The following APBA1 variants were observed in gnomAD, a reference collection of about 807,000 sequenced individuals.
APBA1 encodes amyloid-beta A4 precursor protein-binding family A member 1.
Under a neutral mutation model 86.6 loss-of-function variants are expected in APBA1, and 55 were observed. The observed-to-expected ratio is 0.64, with a 90% CI of 0.51 to 0.80. The LOEUF (loss-of-function observed/expected upper bound fraction) is 0.80, where lower values mean the gene tolerates loss of function less well. APBA1 is among the 30% of genes least tolerant of loss of function. The pLI, the probability that APBA1 is intolerant of heterozygous loss-of-function variation, is 0.00. For missense variants in APBA1, 1,090 were observed against 1,183.0 expected (o/e 0.92, Z 1.15); for synonymous variants, 511 against 493.9 (o/e 1.03, Z -0.46).
At chr9:69,595,499 T>G (rs1383021776) in intron 1 of APBA1, among the ~76,000 whole-genome samples, 1 of 152,232 alleles carries the variant, frequency 6.6e-6, no homozygotes, top group Non-Finnish European at 1.5e-5. Flanking sequence ...CTAGCGGATC[T>G]CTAACTCATA....
chr9:69,451,399 T>A (rs1157682729), intron 9 of APBA1, among the ~76,000 whole-genome samples: 1 of 152,220 alleles, frequency 6.6e-6, no homozygotes, highest in Admixed American at 6.5e-5. Context: ...CATTAAAAGT[T>A]CTTTTTACCT....
At chr9:69,582,399 T>G (rs1332599878) in intron 1 of APBA1, among the ~76,000 whole-genome samples, 1 of 152,138 alleles carries the variant, frequency 6.6e-6, no homozygotes, top group Non-Finnish European at 1.5e-5. Flanking sequence ...CCCTGGACAA[T>G]TAGATAATGA....
At chr9:69,452,513 T>A (rs1835028510) in intron 8 of APBA1, among the ~76,000 whole-genome samples, 1 of 152,176 alleles carries the variant, frequency 6.6e-6, no homozygotes, top group Admixed American at 6.5e-5. Context: ...ATGACAATGA[T>A]CATAAGGGAG....
At chr9:69,525,418 G>A (rs1042146677) in intron 1 of APBA1, among the ~76,000 whole-genome samples, 2 of 151,938 alleles carry the variant, frequency 1.3e-5, no homozygotes, top group African/African-American at 4.8e-5. Context: ...AAAATCAGTA[G>A]CACATCTATG....
At chr9:69,505,999 A>G (rs914090976) in intron 2 of APBA1, among the ~76,000 whole-genome samples, 3 of 151,806 alleles carry the variant, frequency 2.0e-5, no homozygotes, top group Non-Finnish European at 4.4e-5. Context: ...AGCCTGGGCA[A>G]CAGAGCAAGA....
In APBA1 at chr9:69,521,188, T is replaced by C. The variant is rs144595822; in HGVS notation, c.-69-3909A>G. Among the ~76,000 whole-genome samples the C allele has an allele frequency of 1.1e-4, 16 of 152,282 alleles. No individual in the cohort carries two copies. In the East Asian group the frequency reaches 3.1e-3, roughly 29 times the overall value. ...TCTGGTAAGGGAGGCCCCCTGACAT[T>C]TGATCTTTGCACTCTAGCTCTGGGG... On this transcript the variant is annotated intron_variant, in intron 1 of 12. Coordinates refer to ENST00000265381, the MANE Select transcript of APBA1 (RefSeq NM_001163.4).
At chr9:69,534,093 A>G (rs1159718774) in intron 1 of APBA1, among the ~76,000 whole-genome samples, 1 of 152,240 alleles carries the variant, frequency 6.6e-6, no homozygotes, top group Non-Finnish European at 1.5e-5. Context: ...AAATATGCAA[A>G]CAACACAAAG....
intron 1 of APBA1, among the ~76,000 whole-genome samples, chr9:69,573,046 G>C (rs1307855296): frequency 6.6e-6 from 1 of 152,170 alleles, no homozygotes; most frequent in Admixed American, 6.5e-5. Context: ...TGTACTCCCA[G>C]CTGCTCAGGA....
At chr9:69,558,116 T>C (rs1363123766) in intron 1 of APBA1, among the ~76,000 whole-genome samples, 1 of 152,196 alleles carries the variant, frequency 6.6e-6, no homozygotes, top group Admixed American at 6.5e-5. Context: ...TCTGATGAAT[T>C]ATTCCTTAAA....
chr9:69,431,252 A>C lies in APBA1; in HGVS notation c.*75T>G. On this transcript the variant is annotated 3_prime_UTR_variant, in exon 13 of 13. Transcript: ENST00000265381. ...GCGCGAGAGGGGAAAGTCTCAGTGG[A>C]CACAGGGATGCAGCACGAGAAACAC... 8.2e-7 allele frequency: 1 copy of C among 1,214,506 alleles called. No homozygotes were observed. Among genetic ancestry groups the C allele is most frequent in the Non-Finnish European group, 1.1e-6 (1 of 873,918 alleles). 75.2% of individuals were successfully genotyped at this position (1,214,506 alleles called of 1,614,324 possible).
intron 1 of APBA1, among the ~76,000 whole-genome samples, chr9:69,651,124 A>G (rs2134015953): frequency 6.6e-6 from 1 of 152,388 alleles, no homozygotes; most frequent in Non-Finnish European, 1.5e-5. Context: ...ACATGTATGT[A>G]TCTTACAGAT....
At chr9:69,495,002 T>C (rs1265868633) in intron 2 of APBA1, among the ~76,000 whole-genome samples, 1 of 152,116 alleles carries the variant, frequency 6.6e-6, no homozygotes, top group East Asian at 1.9e-4. Flanking sequence ...GAATTGGAGG[T>C]ACACTGCCCA....
intron 2 of APBA1, among the ~76,000 whole-genome samples, chr9:69,490,658 T>C (rs1306782130): frequency 5.3e-5 from 8 of 151,664 alleles, no homozygotes. Flanking sequence ...ACCATCAGAG[T>C]GAACAGGCAA....
chr9:69,657,349 G>C (rs1823633356), intron 1 of APBA1, among the ~76,000 whole-genome samples: 2 of 152,296 alleles, frequency 1.3e-5, no homozygotes, highest in South Asian at 2.1e-4. Flanking sequence ...AACAAATAGT[G>C]TTTTCTGAGC....
At chr9:69,548,695 T>G (rs1405706628) in intron 1 of APBA1, among the ~76,000 whole-genome samples, 1 of 152,244 alleles carries the variant, frequency 6.6e-6, no homozygotes, top group Non-Finnish European at 1.5e-5. Flanking sequence ...AACATGGTTA[T>G]GTGCTGTTGG....
intron 1 of APBA1, among the ~76,000 whole-genome samples, chr9:69,546,320 G>A (rs1047404390): frequency 4.6e-5 from 7 of 152,198 alleles, no homozygotes; most frequent in African/African-American, 1.7e-4. Flanking sequence ...TTCAGTGCTG[G>A]GGAAATAACT....
Position 69,431,222 on chromosome 9 carries a change from G to T in APBA1, c.*105C>A. ...CTTCTCTTCCTGTGTAAAACCAAAT[G>T]CTGGGCGCGAGAGGGGAAAGTCTCA... On this transcript the variant is annotated 3_prime_UTR_variant, in exon 13 of 13. Transcript: ENST00000265381. 2 of 802,680 alleles carry T rather than the reference G, an allele frequency of 2.5e-6. No homozygotes were observed. The highest frequency in any genetic ancestry group is 3.8e-6 in the Non-Finnish European group (2 of 522,224). 49.7% of individuals were successfully genotyped at this position (802,680 alleles called of 1,614,324 possible). A position where few individuals can be genotyped will look rare whatever the true frequency, so the allele number is the denominator to read the frequency against.
Position 69,536,704 on chromosome 9 carries a change from TA to T in APBA1, c.-69-19426del, listed in dbSNP as rs71356116. Among the ~76,000 whole-genome samples, 552 of 55,954 alleles carry T rather than the reference TA, an allele frequency of 9.9e-3. 1 individual carries two copies. The highest frequency in any genetic ancestry group is 0.016 in the African/African-American group (235 of 14,396). 36.7% of individuals were successfully genotyped at this position (55,954 alleles called of 152,430 possible). A position where few individuals can be genotyped will look rare whatever the true frequency, so the allele number is the denominator to read the frequency against. On this transcript the variant is annotated intron_variant, in intron 1 of 12. Coordinates refer to ENST00000265381, the MANE Select transcript of APBA1 (RefSeq NM_001163.4). ...CAACATGAAGAAACCCCATCTCTAC[TA>T]AAAAAAAAAAAAAAAAAAAAAAAAA...
intron 1 of APBA1, among the ~76,000 whole-genome samples, chr9:69,654,112 CAAA>C (rs34666773): frequency 0.044 from 2,629 of 60,298 alleles, 71 homozygotes; most frequent in African/African-American, 0.13. Context: ...AACTCCATCT[CAAA>C]AAAAAAAAAA....
Sources: allele counts gnomAD v4.1 joint callset (sites outside exome capture counted in the v4.1 genomes callset), GRCh38; gene constraint gnomAD v4.1.1; transcripts MANE v1.5; gene names NCBI Gene and HGNC (gene_info 2026-07-23, HGNC 2026-07-21).